The following TAOK1 variants were observed in gnomAD, a reference collection of about 807,000 sequenced individuals.
The protein encoded by TAOK1 is TAO kinase 1.
Under a neutral mutation model 138.3 loss-of-function variants are expected in TAOK1, and 21 were observed. That is an observed-to-expected ratio of 0.15 (90% CI 0.11 to 0.22). The LOEUF (loss-of-function observed/expected upper bound fraction) is 0.22, where lower values mean the gene tolerates loss of function less well. TAOK1 is among the 10% of genes least tolerant of loss of function. The pLI is 1.00. For missense variants in TAOK1, 651 were observed against 1,227.7 expected, an observed-to-expected ratio of 0.53 and a Z score of 7.02; for synonymous variants, 361 against 398.4, an observed-to-expected ratio of 0.91 and a Z score of 1.12.
At position 29,507,272 on chromosome 17, in the gene TAOK1, G is replaced by GT. The variant is rs934319435; in HGVS notation, c.1339-613dup. ...ATTTTTAAATTGAGGTTTTTTTTTT[G>GT]TTTTTTTTTTTCTTTGTAGTCAGTG... On this transcript the variant is annotated intron_variant, in intron 13 of 19. Transcript: ENST00000261716. 1.8e-3 allele frequency among the ~76,000 whole-genome samples: 250 copies of GT among 138,770 alleles called. 1 individual carries two copies. Among genetic ancestry groups the GT allele is most frequent in the Middle Eastern group, 0.015 (4 of 270 alleles). The allele number at this position is 138,770 out of a possible 152,430, so 91.0% of individuals were successfully genotyped here.
At chr17:29,509,031 A>G (rs1258143339) in intron 14 of TAOK1, among the ~76,000 whole-genome samples, 2 of 152,198 alleles carry the variant, frequency 1.3e-5, no homozygotes, top group Non-Finnish European at 1.5e-5. Context: ...AAAAAAGAAC[A>G]TTCTTATAGT....
chr17:29,520,822 G>A (rs906289067), intron 16 of TAOK1, among the ~76,000 whole-genome samples: 11 of 151,686 alleles, frequency 7.3e-5, no homozygotes, highest in Admixed American at 5.9e-4. Context: ...TCAGGAGATC[G>A]AGACCATCCT....
rs936153158 is a variant in TAOK1 at position 29,493,265 on chromosome 17, C to T, written c.831+1400C>T. Among the ~76,000 whole-genome samples, 16 of 152,146 alleles carry T rather than the reference C, an allele frequency of 1.1e-4. No homozygotes were observed. The South Asian group carries it at 1.2e-3, about 12-fold the overall frequency. Reference sequence around the variant, plus strand: ...ATCACAGCACTTTGGGAGGCCGAGGCGGGTGGATCACCTGAGGTTGGGAGT... The same window carrying T: ...ATCACAGCACTTTGGGAGGCCGAGGTGGGTGGATCACCTGAGGTTGGGAGT... On this transcript the variant is annotated intron_variant, in intron 10 of 19. Coordinates refer to ENST00000261716, the MANE Select transcript of TAOK1 (RefSeq NM_020791.4).
At chr17:29,408,521 C>T (rs762835018) in intron 1 of TAOK1, among the ~76,000 whole-genome samples, 2 of 151,792 alleles carry the variant, frequency 1.3e-5, no homozygotes, top group African/African-American at 4.8e-5. Flanking sequence ...TGGCCCATAA[C>T]GTTTTTTCAA....
chr17:29,458,070 A>T (rs2030436536), intron 2 of TAOK1, among the ~76,000 whole-genome samples: 1 of 151,792 alleles, frequency 6.6e-6, no homozygotes, highest in Non-Finnish European at 1.5e-5. Context: ...AGATTGCGCC[A>T]CTGGGCTCCA....
intron 1 of TAOK1, among the ~76,000 whole-genome samples, chr17:29,427,608 G>A (rs1905684760): frequency 6.6e-6 from 1 of 151,164 alleles, no homozygotes; most frequent in South Asian, 2.1e-4. Context: ...GTTTTTGGAA[G>A]CAGAGAAGTG....
chr17:29,461,609 G>A (rs2030533446), intron 2 of TAOK1, among the ~76,000 whole-genome samples: 1 of 152,118 alleles, frequency 6.6e-6, no homozygotes, highest in African/African-American at 2.4e-5. Flanking sequence ...GGCCCACAGA[G>A]CCTGAAATTT....
intron 19 of TAOK1, among the ~76,000 whole-genome samples, chr17:29,540,252 A>T (rs1051627631): frequency 6.6e-6 from 1 of 152,246 alleles, no homozygotes; most frequent in Admixed American, 6.5e-5. Flanking sequence ...TCTCAGGGAA[A>T]GATACCAAAT....
intron 1 of TAOK1, among the ~76,000 whole-genome samples, chr17:29,396,737 C>T (rs1005470300): frequency 6.6e-6 from 1 of 152,026 alleles, no homozygotes; most frequent in African/African-American, 2.4e-5. Flanking sequence ...GTGGCTCACG[C>T]CTGTAATCCT....
intron 8 of TAOK1, among the ~76,000 whole-genome samples, chr17:29,487,657 A>G (rs1016426859): frequency 2.6e-5 from 4 of 152,234 alleles, no homozygotes; most frequent in African/African-American, 9.6e-5. Flanking sequence ...AAAAGACACA[A>G]GCCAGTTTAA....
At chr17:29,410,640 T>G (rs574151595) in intron 1 of TAOK1, among the ~76,000 whole-genome samples, 4 of 149,762 alleles carry the variant, frequency 2.7e-5, no homozygotes, top group Admixed American at 1.3e-4. Flanking sequence ...TTTTGGTTTT[T>G]TTTTTTGTTT....
chr17:29,490,236 T>C (rs2031271190), intron 9 of TAOK1, among the ~76,000 whole-genome samples: 1 of 152,156 alleles, frequency 6.6e-6, no homozygotes, highest in Non-Finnish European at 1.5e-5. Context: ...ACTCTAATTA[T>C]CATATTTGTT....
intron 13 of TAOK1, among the ~76,000 whole-genome samples, chr17:29,504,077 C>G (rs2031581074): frequency 6.7e-6 from 1 of 150,018 alleles, no homozygotes; most frequent in Admixed American, 6.7e-5. Flanking sequence ...TCCCTCTGCA[C>G]TCCAGCCTGG....
chr17:29,457,083 CTTTTTCTTTTTTTTT>C (rs1293387102), intron 2 of TAOK1, among the ~76,000 whole-genome samples: 1 of 116,162 alleles, frequency 8.6e-6, no homozygotes, highest in Non-Finnish European at 1.8e-5. Flanking sequence ...CTCTTTTTTT[CTTTTTCTTTTTTTTT>C]TTTTTTTTTT....
chr17:29,423,224 C>CTTT (rs200888309), intron 1 of TAOK1, among the ~76,000 whole-genome samples: 4 of 112,742 alleles, frequency 3.5e-5, no homozygotes, highest in African/African-American at 9.8e-5. Context: ...TTCTTCTTTT[C>CTTT]TTTTTTTTTT....
chr17:29,440,572 T>C (rs1228250482), intron 1 of TAOK1, among the ~76,000 whole-genome samples: 1 of 151,460 alleles, frequency 6.6e-6, no homozygotes, highest in Non-Finnish European at 1.5e-5. Context: ...TTATATCAAT[T>C]ACTTTTTTTT....
At chr17:29,499,788 C>T (rs1435432558) in intron 12 of TAOK1, among the ~76,000 whole-genome samples, 2 of 150,618 alleles carry the variant, frequency 1.3e-5, no homozygotes, top group African/African-American at 4.9e-5. Flanking sequence ...CTCGAACTCC[C>T]AACCTCAGGT....
At chr17:29,496,456 G>A (rs1439301089) in intron 11 of TAOK1, among the ~76,000 whole-genome samples, 1 of 151,352 alleles carries the variant, frequency 6.6e-6, no homozygotes. Context: ...TCCATATGAT[G>A]TGCTTTTGGA....
intron 10 of TAOK1, among the ~76,000 whole-genome samples, chr17:29,493,321 CCT>C (rs904015039): frequency 4.0e-5 from 6 of 151,876 alleles, no homozygotes; most frequent in African/African-American, 1.2e-4. Context: ...GTGGAGAAAC[CCT>C]GTCTCTACTA....
Sources: allele counts gnomAD v4.1 joint callset (sites outside exome capture counted in the v4.1 genomes callset), GRCh38; gene constraint gnomAD v4.1.1; transcripts MANE v1.5; gene names NCBI Gene and HGNC (gene_info 2026-07-23, HGNC 2026-07-21).